Variants in AFAP1L2 observed in about 807,000 individuals in gnomAD.
AFAP1L2 encodes the protein actin filament-associated protein 1-like 2.
Under a neutral mutation model 99.3 loss-of-function variants are expected in AFAP1L2, and 46 were observed. The observed-to-expected ratio is 0.46, with a 90% CI of 0.37 to 0.59. The LOEUF is 0.59. Ranked by LOEUF, AFAP1L2 falls within the 20% of genes least tolerant of loss-of-function variation. The pLI, the probability that AFAP1L2 is intolerant of heterozygous loss-of-function variation, is 0.00. For synonymous variants in AFAP1L2, 397 were observed against 419.1 expected (o/e 0.95, Z 0.64); for missense variants, 959 against 1,034.9 (o/e 0.93, Z 1.01).
intron 7 of AFAP1L2, among the ~76,000 whole-genome samples, chr10:114,311,515 C>A (rs1193161983): frequency 6.6e-6 from 1 of 152,210 alleles, no homozygotes; most frequent in Non-Finnish European, 1.5e-5. Flanking sequence ...CTAGGGTTGG[C>A]ACCTGTGTGA....
chr10:114,340,911 G>A, intron 1 of AFAP1L2, 180 bp from the exon 2 acceptor site: 1 of 770,990 alleles, frequency 1.3e-6, no homozygotes, highest in Non-Finnish European at 2.1e-6. Flanking sequence ...CTCAGCTCCA[G>A]GGCCACAGGG....
At chr10:114,371,843 C>A (rs985754690) in intron 1 of AFAP1L2, among the ~76,000 whole-genome samples, 3 of 62,860 alleles carry the variant, frequency 4.8e-5, no homozygotes, top group Non-Finnish European at 3.0e-5. Flanking sequence ...AGCACAAGAG[C>A]AAAAGGAAGA....
intron 1 of AFAP1L2, among the ~76,000 whole-genome samples, chr10:114,341,456 T>C (rs1225625684): frequency 1.3e-5 from 2 of 151,678 alleles, no homozygotes; most frequent in African/African-American, 4.8e-5. Context: ...CTACTAAAAA[T>C]ACAAAAATTA....
rs2049447810 is a variant in AFAP1L2, at chr10:114,345,704, T to C, written c.17-4973A>G. Among the ~76,000 whole-genome samples, 3 of 152,218 alleles carry C rather than the reference T, an allele frequency of 2.0e-5. No homozygotes were observed. The South Asian group carries it at 6.2e-4, about 32-fold the overall frequency. On this transcript the variant is annotated intron_variant, in intron 1 of 18. Transcript: ENST00000304129. ...TTGTGTCTGCCATCCATCCGTTGGCTGTAGTCATTCCCAGGGAGCCAGGAA... is the reference window on the plus strand; with the variant it reads ...TTGTGTCTGCCATCCATCCGTTGGCCGTAGTCATTCCCAGGGAGCCAGGAA...
rs1457884896 is a variant in AFAP1L2 at position 114,326,398 on chromosome 10, G to T, written c.316-3137C>A. Reference sequence around the variant, plus strand: ...TACAAAGAACAATGTTTAGCTGATCGATAGCTTACAGTATTTTAATATAAA... The same window carrying T: ...TACAAAGAACAATGTTTAGCTGATCTATAGCTTACAGTATTTTAATATAAA... On this transcript the variant is annotated intron_variant, in intron 4 of 18. Coordinates refer to ENST00000304129, the MANE Select transcript of AFAP1L2 (RefSeq NM_001001936.3). 2.6e-5 allele frequency among the ~76,000 whole-genome samples: 4 copies of T among 152,232 alleles called. No individual in the cohort carries two copies. In the South Asian group the frequency reaches 8.3e-4, roughly 32 times the overall value.
rs1272208876 is a variant in AFAP1L2 at position 114,296,037 on chromosome 10, G to C, written c.*5C>G. The C allele has an allele frequency of 6.2e-7, 1 of 1,614,110 alleles. No individual in the cohort carries two copies. ...ACATGAGAGTCTTTAGATGAAGCTT[G>C]TTTTCTAACTTGCTCCTTTCTTCTC... On this transcript the variant is annotated 3_prime_UTR_variant, in exon 19 of 19. Transcript: ENST00000304129.
chr10:114,346,642 C>T (rs1236362433), intron 1 of AFAP1L2, among the ~76,000 whole-genome samples: 1 of 152,222 alleles, frequency 6.6e-6, no homozygotes, highest in Non-Finnish European at 1.5e-5. Flanking sequence ...CCATCCCCCA[C>T]ACTTTCATTT....
Position 114,302,334 on chromosome 10 carries a change from C to G in AFAP1L2, c.1430+5G>C. The G allele has an allele frequency of 6.2e-7, 1 of 1,614,136 alleles. No homozygotes were observed. Among genetic ancestry groups the G allele is most frequent in the African/African-American group, 1.3e-5 (1 of 75,036 alleles). On this transcript the variant is annotated splice_donor_5th_base_variant and intron_variant, in intron 12 of 18. Transcript: ENST00000304129. ...GTGTACGGAGGAAGGGTCCAAATTA[C>G]TCACAAGAGAGAGTTTTTGGCCGCA...
At chr10:114,342,522 T>C (rs998655692) in intron 1 of AFAP1L2, among the ~76,000 whole-genome samples, 3 of 152,164 alleles carry the variant, frequency 2.0e-5, no homozygotes, top group African/African-American at 7.2e-5. Context: ...AATGAGGAGA[T>C]TATCCTGGTT....
chr10:114,379,137 C>A (rs1186044145), intron 1 of AFAP1L2, among the ~76,000 whole-genome samples: 1 of 151,622 alleles, frequency 6.6e-6, no homozygotes, highest in African/African-American at 2.4e-5. Flanking sequence ...TGGTTGAGCC[C>A]GGGAGATGGA....
rs1385281892 is a variant in AFAP1L2 at position 114,333,272 on chromosome 10, T to C, written c.169A>G (p.Met57Val). The change falls in exon 3 of 19, where the codon ATG becomes GTG. Residue 57 changes from methionine (M) to valine (V), a missense_variant. Coordinates refer to ENST00000304129, the MANE Select transcript of AFAP1L2 (RefSeq NM_001001936.3). Reference protein sequence around the residue: ...SSSSDEEYIYMNKVTINKQQN... With the variant: ...SSSSDEEYIYVNKVTINKQQN... ...TGCTTGTTGATGGTCACTTTGTTCA[T>C]ATAAATGTACTCCTCATCAGAGCCT... is the stretch of plus-strand genomic sequence containing the variant. 2 of 1,613,924 alleles carry C rather than the reference T, an allele frequency of 1.2e-6. No homozygotes were observed. Among genetic ancestry groups the C allele is most frequent in the African/African-American group, 2.7e-5 (2 of 74,908 alleles).
At chr10:114,307,547 A>G (rs2042615971) in intron 10 of AFAP1L2, among the ~76,000 whole-genome samples, 1 of 151,894 alleles carries the variant, frequency 6.6e-6, no homozygotes, top group South Asian at 2.1e-4. Flanking sequence ...TCATTTTTAA[A>G]AGAATACTAG....
intron 1 of AFAP1L2, among the ~76,000 whole-genome samples, chr10:114,398,607 T>C (rs1356454849): frequency 6.6e-6 from 1 of 152,274 alleles, no homozygotes; most frequent in Admixed American, 6.5e-5. Flanking sequence ...GTAATCATTA[T>C]TCTCACTCAT....
chr10:114,401,834 A>G (rs565967352), intron 1 of AFAP1L2, among the ~76,000 whole-genome samples: 33 of 152,314 alleles, frequency 2.2e-4, no homozygotes, highest in African/African-American at 7.7e-4. Context: ...CTATTTTTGG[A>G]GGATGTACAA....
Position 114,295,954 on chromosome 10 carries a change from C to T in AFAP1L2, c.*88G>A. ...CTTTGCTTTTTCTTCTAAACAGACT[C>T]ACCCTTTCGCATAGTTTTTGCTTTA... On this transcript the variant is annotated 3_prime_UTR_variant, in exon 19 of 19. Transcript: ENST00000304129. 2 of 1,611,070 alleles carry T rather than the reference C, an allele frequency of 1.2e-6. No homozygotes were observed. Among genetic ancestry groups the T allele is most frequent in the Non-Finnish European group, 8.5e-7 (1 of 1,178,098 alleles).
chr10:114,360,656 T>A (rs148039742), intron 1 of AFAP1L2, among the ~76,000 whole-genome samples: 337 of 152,284 alleles, frequency 2.2e-3, no homozygotes, highest in Non-Finnish European at 3.4e-3. Context: ...AAGGAGATAA[T>A]CTGTTCAATT....
chr10:114,364,663 G>A (rs1051093957), intron 1 of AFAP1L2, among the ~76,000 whole-genome samples: 5 of 152,052 alleles, frequency 3.3e-5, no homozygotes, highest in Non-Finnish European at 4.4e-5. Flanking sequence ...ACATTCCAGG[G>A]CTTAGGACCT....
intron 1 of AFAP1L2, among the ~76,000 whole-genome samples, chr10:114,376,441 T>C (rs2054808526): frequency 6.6e-6 from 1 of 152,210 alleles, no homozygotes; most frequent in Non-Finnish European, 1.5e-5. Flanking sequence ...TCTACTAAAG[T>C]AGCATCTGAC....
At chr10:114,329,331 T>C (rs2046896693) in intron 4 of AFAP1L2, among the ~76,000 whole-genome samples, 2 of 152,150 alleles carry the variant, frequency 1.3e-5, no homozygotes, top group African/African-American at 2.4e-5. Flanking sequence ...CCCAATTAAC[T>C]TACAGCTGTA....
Sources: allele counts gnomAD v4.1 joint callset (sites outside exome capture counted in the v4.1 genomes callset), GRCh38; gene constraint gnomAD v4.1.1; transcripts MANE v1.5; gene names NCBI Gene and HGNC (gene_info 2026-07-23, HGNC 2026-07-21).